Variants in BICC1 observed in about 807,000 individuals in gnomAD.
The protein encoded by BICC1 is BicC family RNA binding protein 1, also known as protein bicaudal C homolog 1.
Under a neutral mutation model 111.0 loss-of-function variants are expected in BICC1, and 43 were observed. The ratio of observed to expected loss-of-function variants is 0.39; its 90% CI spans 0.30 to 0.50. The LOEUF (loss-of-function observed/expected upper bound fraction) is 0.50, where lower values mean the gene tolerates loss of function less well. Ranked by LOEUF, BICC1 falls within the 20% of genes least tolerant of loss-of-function variation. The probability of loss-of-function intolerance (pLI) is 0.88; values close to 1 mark genes in which losing one functional copy is unlikely to be tolerated. For synonymous variants in BICC1, 467 were observed against 434.4 expected (o/e 1.07, Z -0.93); for missense variants, 1,091 against 1,203.2 (o/e 0.91, Z 1.38).
At chr10:58,569,425 A>G (rs900556397) in intron 1 of BICC1, among the ~76,000 whole-genome samples, 3 of 152,146 alleles carry the variant, frequency 2.0e-5, no homozygotes, top group Admixed American at 6.6e-5. Context: ...AAGTTCTGAG[A>G]TACATGTGCA....
intron 3 of BICC1, among the ~76,000 whole-genome samples, chr10:58,742,062 TG>T (rs1450017828): frequency 6.6e-6 from 1 of 152,216 alleles, no homozygotes. Context: ...TAACTTTTTC[TG>T]TTATAAAATT....
Position 58,618,549 on chromosome 10 carries a change from A to G in BICC1, c.191-2306A>G, listed in dbSNP as rs974309405. On this transcript the variant is annotated intron_variant, in intron 1 of 20. Transcript: ENST00000373886. ...TCACACCAAGAGAGAGAATAAAGCC[A>G]TGTCACAACTCCCCATGATTCCTCG... Among the ~76,000 whole-genome samples, 5 of 152,304 alleles carry G rather than the reference A, an allele frequency of 3.3e-5. No individual in the cohort carries two copies. In the East Asian group the frequency reaches 7.7e-4, roughly 24 times the overall value.
In BICC1 at chr10:58,813,945, C is replaced by T. The variant is rs1367335025; in HGVS notation, c.2492C>T (p.Ala831Val). ...GGACCTGGAAGTCATAGTGAATTTG[C>T]AGCTTCTATTGGCAGCCCTAAGCGT... ...GIGPGSHSEFAASIGSPKRKQ... is the reference protein window; with the variant it reads ...GIGPGSHSEFVASIGSPKRKQ... Residue 831 changes from alanine (A) to valine (V), a missense_variant, in exon 18 of 21, where the codon GCA (alanine) becomes GTA (valine). Ala to Val is a moderately conservative substitution (Grantham distance 64). Around this residue, in one of 3 missense-constraint regions of BICC1, gnomAD observed 231 missense variants for 256.2 expected, o/e 0.90. Transcript: ENST00000373886. 6.2e-7 allele frequency: 1 copy of T among 1,614,038 alleles called. No individual in the cohort carries two copies. Among genetic ancestry groups the T allele is most frequent in the Admixed American group, 1.7e-5 (1 of 60,008 alleles).
At chr10:58,769,503 A>G (rs1374513819) in intron 3 of BICC1, among the ~76,000 whole-genome samples, 1 of 150,098 alleles carries the variant, frequency 6.7e-6, no homozygotes, top group East Asian at 2.0e-4. Context: ...CCATTTTCAA[A>G]GCAGTCACTC....
intron 20 of BICC1, chr10:58,824,088 T>A: frequency 2.0e-6 from 2 of 984,542 alleles, no homozygotes; most frequent in African/African-American, 3.5e-5. Context: ...AAAGCTCTGT[T>A]ATCTGGCATA....
At chr10:58,609,767 T>C (rs540923456) in intron 1 of BICC1, among the ~76,000 whole-genome samples, 1 of 152,352 alleles carries the variant, frequency 6.6e-6, no homozygotes, top group Admixed American at 6.5e-5. Flanking sequence ...TATAGGAAGA[T>C]CAGCATAAGC....
At chr10:58,616,431 A>G (rs988720398) in intron 1 of BICC1, among the ~76,000 whole-genome samples, 1 of 151,968 alleles carries the variant, frequency 6.6e-6, no homozygotes, top group African/African-American at 2.4e-5. Flanking sequence ...ACATTGCTGC[A>G]CAACCTGGTC....
chr10:58,667,586 C>T (rs908204968), intron 2 of BICC1, among the ~76,000 whole-genome samples: 2 of 151,834 alleles, frequency 1.3e-5, no homozygotes, highest in Non-Finnish European at 2.9e-5. Context: ...TTTCTTAAAC[C>T]ATTCTGTGGA....
At chr10:58,787,280 A>G (rs929373260) in intron 5 of BICC1, among the ~76,000 whole-genome samples, 199 bp downstream of exon 5, 37 of 152,308 alleles carry the variant, frequency 2.4e-4, no homozygotes, top group African/African-American at 8.4e-4. Context: ...GATGGGCCCT[A>G]AACTCTTGAT....
At chr10:58,552,216 T>C (rs1164643970) in intron 1 of BICC1, among the ~76,000 whole-genome samples, 2 of 152,252 alleles carry the variant, frequency 1.3e-5, no homozygotes, top group Admixed American at 6.5e-5. Context: ...TGGTGACTTA[T>C]AGAACTAAAA....
intron 1 of BICC1, among the ~76,000 whole-genome samples, chr10:58,545,295 GA>G: frequency 6.6e-6 from 1 of 151,568 alleles, no homozygotes; most frequent in East Asian, 1.9e-4. Context: ...TAAAAATAAA[GA>G]AAAAAGGAAA....
At chr10:58,825,487 T>C (rs1019744286) in intron 20 of BICC1, among the ~76,000 whole-genome samples, 2 of 152,212 alleles carry the variant, frequency 1.3e-5, no homozygotes, top group Admixed American at 6.5e-5. Context: ...CCATACAATA[T>C]ACACATCTAT....
At chr10:58,764,808 A>G (rs190045459) in intron 3 of BICC1, among the ~76,000 whole-genome samples, 1 of 152,284 alleles carries the variant, frequency 6.6e-6, no homozygotes, top group East Asian at 1.9e-4. Flanking sequence ...ATGAAAATAG[A>G]AAACTAAACC....
chr10:58,520,433 G>A (rs1407937566), intron 1 of BICC1, among the ~76,000 whole-genome samples: 4 of 152,012 alleles, frequency 2.6e-5, no homozygotes, highest in African/African-American at 7.2e-5. Context: ...AAGCATTGTG[G>A]GTGCTATACA....
chr10:58,825,676 A>G (rs1205094424), intron 20 of BICC1, among the ~76,000 whole-genome samples: 2 of 152,204 alleles, frequency 1.3e-5, no homozygotes, highest in Non-Finnish European at 2.9e-5. Context: ...AGTGAGCTCG[A>G]TGTTACAAGT....
At chr10:58,714,105 C>T (rs1840661482) in intron 3 of BICC1, among the ~76,000 whole-genome samples, 1 of 152,156 alleles carries the variant, frequency 6.6e-6, no homozygotes, top group African/African-American at 2.4e-5. Context: ...AATTATCTAG[C>T]ACAAAACGCC....
At chr10:58,672,851 T>C (rs1254902232) in intron 2 of BICC1, among the ~76,000 whole-genome samples, 4 of 152,204 alleles carry the variant, frequency 2.6e-5, no homozygotes, top group Non-Finnish European at 5.9e-5. Flanking sequence ...TTGAGGGAAT[T>C]TGAATTTCTT....
At chr10:58,626,229 A>G (rs1837619842) in intron 2 of BICC1, among the ~76,000 whole-genome samples, 1 of 152,174 alleles carries the variant, frequency 6.6e-6, no homozygotes, top group Non-Finnish European at 1.5e-5. Flanking sequence ...ATGATCATCA[A>G]TGTGCGTCAT....
intron 2 of BICC1, among the ~76,000 whole-genome samples, chr10:58,687,664 C>T (rs536186178): frequency 3.3e-5 from 5 of 152,212 alleles, no homozygotes; most frequent in African/African-American, 7.2e-5. Flanking sequence ...TGGGATCTTC[C>T]AAGCCTGGCA....
Sources: allele counts gnomAD v4.1 joint callset (sites outside exome capture counted in the v4.1 genomes callset), GRCh38; gene constraint gnomAD v4.1.1; regional missense constraint gnomAD v4.1.1; transcripts MANE v1.5; gene names NCBI Gene and HGNC (gene_info 2026-07-23, HGNC 2026-07-21).